The following NEMF variants were observed in gnomAD, a reference collection of about 807,000 sequenced individuals.
NEMF encodes the protein nuclear export mediator factor.
A neutral mutation model predicts 162.2 loss-of-function variants in NEMF; 89 were observed. The ratio of observed to expected loss-of-function variants is 0.55; its 90% CI spans 0.46 to 0.65. NEMF has a LOEUF of 0.65. Ranked by LOEUF, NEMF falls within the 30% of genes least tolerant of loss-of-function variation. The pLI is 0.00. For missense variants in NEMF, 1,133 were observed against 1,261.9 expected, an observed-to-expected ratio of 0.90 and a Z score of 1.55; for synonymous variants, 421 against 404.5, an observed-to-expected ratio of 1.04 and a Z score of -0.49.
intron 6 of NEMF, among the ~76,000 whole-genome samples, chr14:49,835,668 A>C (rs756942460): frequency 5.9e-5 from 9 of 152,222 alleles, no homozygotes; most frequent in Non-Finnish European, 1.2e-4. Flanking sequence ...AGCTAGCACA[A>C]TAAGGCAAAT....
chr14:49,794,096 T>A (rs575844329), intron 26 of NEMF, among the ~76,000 whole-genome samples: 62 of 152,306 alleles, frequency 4.1e-4, no homozygotes, highest in African/African-American at 1.4e-3. Context: ...GTAGTGGTCC[T>A]CTGTCTAGAT....
At chr14:49,841,882 G>C (rs1893229842) in intron 4 of NEMF, among the ~76,000 whole-genome samples, 1 of 152,142 alleles carries the variant, frequency 6.6e-6, no homozygotes, top group South Asian at 2.1e-4. Flanking sequence ...GAGGCGGGCA[G>C]ATCACCTGAG....
Position 49,805,044 on chromosome 14 carries a change from A to C in NEMF, c.1857+977T>G, listed in dbSNP as rs112539829. Among the ~76,000 whole-genome samples, 707 of 152,234 alleles carry C rather than the reference A, an allele frequency of 4.6e-3. 4 individuals carry two copies. Among genetic ancestry groups the C allele is most frequent in the African/African-American group, 0.016 (673 of 41,548 alleles). Reference sequence around the variant, plus strand: ...GACTCCATCTCAAAACGAACAAACAAACACAAAAAACCAGCAAGGGATTAA... The same window carrying C: ...GACTCCATCTCAAAACGAACAAACACACACAAAAAACCAGCAAGGGATTAA... On this transcript the variant is annotated intron_variant, in intron 19 of 32. Transcript: ENST00000298310.
chr14:49,786,668 C>A (rs372176070), intron 29 of NEMF, 50 bp downstream of exon 29: 5 of 1,521,296 alleles, frequency 3.3e-6, no homozygotes, highest in Non-Finnish European at 4.5e-6. Flanking sequence ...ATTCTGGGAA[C>A]TGAATTGTAA....
Position 49,783,202 on chromosome 14 carries a change from A to AT in NEMF, c.*1433dup, listed in dbSNP as rs1889994444. ...TTTTACCCTGAAGAATGGTTGCTAC[A>AT]TTTTCTTTTCAGTAACTTCAGGATA... On this transcript the variant is annotated 3_prime_UTR_variant, in exon 33 of 33. Transcript: ENST00000298310. The AT allele has an allele frequency of 3.2e-6, 1 of 309,044 alleles. No individual in the cohort carries two copies. The highest frequency in any genetic ancestry group is 5.9e-6 in the Non-Finnish European group (1 of 169,976). 19.1% of individuals were successfully genotyped at this position (309,044 alleles called of 1,614,324 possible). A position where few individuals can be genotyped will look rare whatever the true frequency, so the allele number is the denominator to read the frequency against.
chr14:49,792,779 A>T (rs1359995489), intron 26 of NEMF, among the ~76,000 whole-genome samples: 1 of 152,116 alleles, frequency 6.6e-6, no homozygotes, highest in East Asian at 1.9e-4. Context: ...TAGGAGTTAG[A>T]CCAGCCTGGG....
rs979770019 is a variant in NEMF, at chr14:49,791,548, C to G, written c.2620-1975G>C. ...GGTCAAGAGATCGAGACCATCCTGA[C>G]CAACATGGTGAAACTCTGTCGCTAC... On this transcript the variant is annotated intron_variant, in intron 26 of 32. Coordinates refer to ENST00000298310, the MANE Select transcript of NEMF (RefSeq NM_004713.6). 2.0e-5 allele frequency among the ~76,000 whole-genome samples: 3 copies of G among 151,928 alleles called. No homozygotes were observed. In the South Asian group the frequency reaches 6.2e-4, roughly 32 times the overall value.
At chr14:49,803,156 A>G in intron 20 of NEMF, 81 bp downstream of exon 20, 1 of 1,035,866 alleles carries the variant, frequency 9.7e-7, no homozygotes, top group Non-Finnish European at 1.5e-6. Context: ...TTTTTGTTCT[A>G]AGAGTATTTG....
chr14:49,843,820 C>A (rs373643024), intron 4 of NEMF, among the ~76,000 whole-genome samples: 6 of 152,138 alleles, frequency 3.9e-5, no homozygotes, highest in Admixed American at 3.3e-4. Context: ...AGTTCCAGGC[C>A]GGGCGCAGTG....
At chr14:49,811,656 A>G (rs1296085536) in intron 18 of NEMF, among the ~76,000 whole-genome samples, 2 of 152,200 alleles carry the variant, frequency 1.3e-5, no homozygotes, top group Non-Finnish European at 2.9e-5. Flanking sequence ...ATCACAAACA[A>G]ATGTTGAATT....
At chr14:49,805,986 A>C (rs753004790) in intron 19 of NEMF, 35 bp downstream of exon 19, 3 of 1,466,740 alleles carry the variant, frequency 2.0e-6, no homozygotes, top group Non-Finnish European at 2.8e-6. Context: ...AGTAGCTCTT[A>C]GTAAATTAAG....
Position 49,803,573 on chromosome 14 carries a change from T to G in NEMF, c.1858-279A>C, listed in dbSNP as rs1891050503. Among the ~76,000 whole-genome samples, 5 of 151,914 alleles carry G rather than the reference T, an allele frequency of 3.3e-5. No individual in the cohort carries two copies. The South Asian group carries it at 1.0e-3, about 32-fold the overall frequency. On this transcript the variant is annotated intron_variant, in intron 19 of 32. Coordinates refer to ENST00000298310, the MANE Select transcript of NEMF (RefSeq NM_004713.6). ...TGAAGTCTCACTCTGTTGCCCAAGC[T>G]GAAGTGCAGTGGCACAATCTCGGCT...
chr14:49,803,528 CTTT>C (rs1221404012), intron 19 of NEMF, among the ~76,000 whole-genome samples: 10 of 140,676 alleles, frequency 7.1e-5, no homozygotes, highest in Admixed American at 1.4e-4. Flanking sequence ...AATTTTCTTT[CTTT>C]TTTTTTTTTT....
chr14:49,787,374 A>C (rs1328384314), intron 28 of NEMF, among the ~76,000 whole-genome samples: 1 of 152,216 alleles, frequency 6.6e-6, no homozygotes, highest in Non-Finnish European at 1.5e-5. Context: ...TCAATGTCTG[A>C]TAAGGGCTTG....
intron 19 of NEMF, among the ~76,000 whole-genome samples, chr14:49,803,672 C>T (rs1450999934): frequency 3.3e-5 from 5 of 151,964 alleles, no homozygotes; most frequent in Admixed American, 1.3e-4. Context: ...ACTACAGGCA[C>T]GCACCACCAT....
At chr14:49,793,244 G>A (rs536915060) in intron 26 of NEMF, among the ~76,000 whole-genome samples, 2 of 152,036 alleles carry the variant, frequency 1.3e-5, no homozygotes, top group African/African-American at 2.4e-5. Flanking sequence ...AAGACTAGAA[G>A]AAAAGCCATA....
intron 16 of NEMF, among the ~76,000 whole-genome samples, chr14:49,817,575 G>C (rs1179380280): frequency 6.6e-6 from 1 of 151,676 alleles, no homozygotes; most frequent in Non-Finnish European, 1.5e-5. Flanking sequence ...GTTGATAAAA[G>C]ACTCAATTAA....
At chr14:49,812,609 T>A (rs1006027826) in intron 18 of NEMF, among the ~76,000 whole-genome samples, 17 of 152,336 alleles carry the variant, frequency 1.1e-4, no homozygotes, top group African/African-American at 4.1e-4. Context: ...TTCATTTCGT[T>A]CATCTCAAAG....
chr14:49,822,933 G>T (rs1892153361), intron 16 of NEMF, among the ~76,000 whole-genome samples: 1 of 88,866 alleles, frequency 1.1e-5, no homozygotes, highest in Admixed American at 1.9e-4. Context: ...TCCCCTTAGA[G>T]ATTTTTTTTT....
Sources: gnomAD v4.1 joint callset for allele counts (sites outside exome capture counted in the v4.1 genomes callset) on GRCh38, gnomAD v4.1.1 for gene constraint, MANE v1.5 for transcripts, NCBI Gene and HGNC (gene_info 2026-07-23, HGNC 2026-07-21) for gene names.